The following ANKFN1 variants were observed in gnomAD, a reference collection of about 807,000 sequenced individuals.
ANKFN1 encodes ankyrin repeat and fibronectin type-III domain-containing protein 1.
A neutral mutation model predicts 108.7 loss-of-function variants in ANKFN1; 74 were observed. The observed-to-expected ratio is 0.68, with a 90% confidence interval of 0.56 to 0.83. The LOEUF (loss-of-function observed/expected upper bound fraction) is 0.83. ANKFN1 is among the 40% of genes least tolerant of loss of function. ANKFN1 has a pLI of 0.00. For missense variants in ANKFN1, 1,505 were observed against 1,382.3 expected (o/e 1.09, Z -1.41); for synonymous variants, 547 against 516.2 (o/e 1.06, Z -0.81).
chr17:56,481,229 G>A (rs986954620), intron 17 of ANKFN1, among the ~76,000 whole-genome samples: 2 of 152,008 alleles, frequency 1.3e-5, no homozygotes, highest in African/African-American at 2.4e-5. Flanking sequence ...GAAGGATAAC[G>A]GTGGTATAAT....
At chr17:56,283,101 T>C (rs561990291) in intron 3 of ANKFN1, among the ~76,000 whole-genome samples, 25 of 152,252 alleles carry the variant, frequency 1.6e-4, no homozygotes, top group South Asian at 6.2e-4. Flanking sequence ...CAATAGGTAG[T>C]TTTTCAATCC....
At position 56,516,835 on chromosome 17, in the gene ANKFN1, T is replaced by G. The variant is rs1392299312; in HGVS notation, c.*5566T>G. Among the ~76,000 whole-genome samples the G allele has an allele frequency of 6.6e-6, 1 of 152,232 alleles. No homozygotes were observed. Among genetic ancestry groups the G allele is most frequent in the Non-Finnish European group, 1.5e-5 (1 of 68,044 alleles). ...AGCTATCAGAGGGAATGACTTTATT[T>G]CATAAGCATTAATTATACTTTATGT... On this transcript the variant is annotated 3_prime_UTR_variant, in exon 21 of 21. Transcript: ENST00000682825.
chr17:56,103,040 C>T (rs78135075), intron 4 of ANKFN1, among the ~76,000 whole-genome samples: 11 of 152,280 alleles, frequency 7.2e-5, no homozygotes, highest in African/African-American at 2.4e-4. Context: ...TGGTAGTTAA[C>T]ACAGCGGGAC....
At chr17:56,189,171 T>A (rs796425274) in intron 1 of ANKFN1, among the ~76,000 whole-genome samples, 31 of 33,396 alleles carry the variant, frequency 9.3e-4, no homozygotes, top group Admixed American at 1.0e-3. Context: ...TTGCCCTGAC[T>A]TTTTTTTTTT....
At chr17:56,302,568 A>AGAAAAAC (rs1343285367) in intron 3 of ANKFN1, among the ~76,000 whole-genome samples, 1 of 152,054 alleles carries the variant, frequency 6.6e-6, no homozygotes, top group Non-Finnish European at 1.5e-5. Context: ...GAAAGAAAAA[A>AGAAAAAC]GAAAAACGTA....
intron 8 of ANKFN1, among the ~76,000 whole-genome samples, chr17:56,410,926 C>A (rs1415820878): frequency 6.6e-6 from 1 of 152,136 alleles, no homozygotes; most frequent in Non-Finnish European, 1.5e-5. Context: ...ATTACAATAG[C>A]TTTATAATAT....
rs1186957035 is a variant in ANKFN1 at position 56,511,087 on chromosome 17, G to A, written c.3259G>A (p.Val1087Ile). 2 of 1,535,956 alleles carry A rather than the reference G, an allele frequency of 1.3e-6. No homozygotes were observed. The highest frequency in any genetic ancestry group is 1.7e-6 in the Non-Finnish European group (2 of 1,146,842). ...NSSLQDARPS[V>I]RRLYVEPYAA... ...CAGTCTCCAGGACGCGAGGCCTTCC[G>A]TCCGCCGCCTCTACGTGGAGCCCTA... Residue 1087 changes from valine (V) to isoleucine (I), a missense_variant, in exon 21 of 21, where the codon GTC (valine) becomes ATC (isoleucine). Val to Ile is a conservative substitution (Grantham distance 29). Transcript: ENST00000682825.
chr17:56,386,038 A>C (rs2047256946), intron 8 of ANKFN1, among the ~76,000 whole-genome samples: 2 of 152,220 alleles, frequency 1.3e-5, no homozygotes. Context: ...TTATTGCGGC[A>C]CTATTCACAA....
intron 4 of ANKFN1, among the ~76,000 whole-genome samples, chr17:56,346,532 T>C (rs1190954670): frequency 6.6e-6 from 1 of 152,060 alleles, no homozygotes; most frequent in East Asian, 1.9e-4. Flanking sequence ...TAGGGCAAGT[T>C]AAAATGCCAC....
At chr17:56,237,007 A>G (rs1917204439) in intron 3 of ANKFN1, among the ~76,000 whole-genome samples, 1 of 152,164 alleles carries the variant, frequency 6.6e-6, no homozygotes, top group Admixed American at 6.5e-5. Context: ...TTCTGCATCT[A>G]TTGAGATAAT....
In ANKFN1 at chr17:56,428,454, CT is replaced by C. The variant is rs1347574894; in HGVS notation, c.911-11866del. On this transcript the variant is annotated intron_variant, in intron 8 of 20. Transcript: ENST00000682825. Reference sequence around the variant, plus strand: ...TTGATTACTTTTCAAATAATTGGAGCTTTTTTTCTTTTTTTTTTTTTTTTGA... The same window carrying C: ...TTGATTACTTTTCAAATAATTGGAGCTTTTTTCTTTTTTTTTTTTTTTTGA... 7.5e-5 allele frequency among the ~76,000 whole-genome samples: 11 copies of C among 145,826 alleles called. No individual in the cohort carries two copies. The South Asian group carries it at 8.7e-4, about 12-fold the overall frequency.
At chr17:56,275,571 G>A (rs2043906190) in intron 3 of ANKFN1, among the ~76,000 whole-genome samples, 1 of 152,032 alleles carries the variant, frequency 6.6e-6, no homozygotes, top group South Asian at 2.1e-4. Flanking sequence ...TGAAGAAAAA[G>A]ATTAAGGAGG....
intron 1 of ANKFN1, among the ~76,000 whole-genome samples, chr17:56,155,429 C>T (rs1909010301): frequency 1.3e-5 from 2 of 152,238 alleles, no homozygotes; most frequent in African/African-American, 4.8e-5. Flanking sequence ...CAGCCACGCT[C>T]TGTCTCTTCA....
At chr17:56,434,441 T>G (rs573463516) in intron 8 of ANKFN1, among the ~76,000 whole-genome samples, 121 of 151,986 alleles carry the variant, frequency 8.0e-4, no homozygotes, top group Admixed American at 4.0e-3. Context: ...TTGCCCTTAA[T>G]TTAAATCATT....
intron 1 of ANKFN1, among the ~76,000 whole-genome samples, chr17:56,154,278 G>A (rs2143456188): frequency 6.6e-6 from 1 of 152,186 alleles, no homozygotes; most frequent in East Asian, 1.9e-4. Flanking sequence ...TCCTGGCTGA[G>A]GTCCTGGTAG....
chr17:56,293,500 G>A (rs554180722), intron 3 of ANKFN1, among the ~76,000 whole-genome samples: 31 of 152,318 alleles, frequency 2.0e-4, no homozygotes, highest in African/African-American at 7.2e-4. Context: ...TTGCACATAT[G>A]CACTGGTTTC....
chr17:56,189,538 C>T (rs1912671049), intron 1 of ANKFN1, among the ~76,000 whole-genome samples: 1 of 152,144 alleles, frequency 6.6e-6, no homozygotes. Context: ...GGGACCCTCA[C>T]TTTATAGCCA....
intron 17 of ANKFN1, 44 bp from the exon 18 acceptor site, chr17:56,482,312 T>C (rs1474546314): frequency 6.6e-7 from 1 of 1,508,068 alleles, no homozygotes; most frequent in Admixed American, 2.1e-5. Flanking sequence ...GTAAGTGCCA[T>C]GTTGTAACTC....
chr17:56,073,414 C>T (rs1232246374), intron 4 of ANKFN1, among the ~76,000 whole-genome samples: 6 of 152,286 alleles, frequency 3.9e-5, no homozygotes, highest in Middle Eastern at 3.4e-3. Flanking sequence ...TGTTACTTTT[C>T]GTGCTTTGTT....
Sources: allele counts gnomAD v4.1 joint callset (sites outside exome capture counted in the v4.1 genomes callset), GRCh38; gene constraint gnomAD v4.1.1; transcripts MANE v1.5; gene names NCBI Gene and HGNC (gene_info 2026-07-23, HGNC 2026-07-21).